The following SEMA3A variants were observed in gnomAD, a reference collection of about 807,000 sequenced individuals.
SEMA3A encodes the protein semaphorin 3A, also known as semaphorin-3A.
A neutral mutation model predicts 97.9 loss-of-function variants in SEMA3A; 29 were observed. The ratio of observed to expected loss-of-function variants is 0.30; its 90% confidence interval spans 0.22 to 0.40. SEMA3A has a LOEUF of 0.40. Ranked by LOEUF, SEMA3A falls within the 10% of genes least tolerant of loss-of-function variation. The probability of loss-of-function intolerance (pLI) is 1.00; values close to 1 mark genes in which losing one functional copy is unlikely to be tolerated. For synonymous variants in SEMA3A, 321 were observed against 323.7 expected (o/e 0.99, Z 0.09); for missense variants, 763 against 951.3 (o/e 0.80, Z 2.60).
intron 1 of SEMA3A, among the ~76,000 whole-genome samples, chr7:84,489,766 A>G (rs906156829): frequency 5.3e-5 from 8 of 151,954 alleles, no homozygotes. Flanking sequence ...TACACTTTCT[A>G]TCTTGATGTC....
chr7:84,481,457 A>G (rs1467652210), intron 1 of SEMA3A, among the ~76,000 whole-genome samples: 2 of 152,232 alleles, frequency 1.3e-5, no homozygotes, highest in African/African-American at 2.4e-5. Flanking sequence ...TGATGTTGAA[A>G]TCCACTATCT....
At chr7:84,205,653 A>T (rs933870918) in intron 3 of SEMA3A, among the ~76,000 whole-genome samples, 4 of 152,304 alleles carry the variant, frequency 2.6e-5, no homozygotes, top group Admixed American at 1.3e-4. Context: ...ATAGAATTAC[A>T]ATTCCTATGC....
At chr7:84,140,006 G>A (rs1389529628) in intron 1 of SEMA3A, among the ~76,000 whole-genome samples, 1 of 151,914 alleles carries the variant, frequency 6.6e-6, no homozygotes, top group African/African-American at 2.4e-5. Flanking sequence ...AGAAGCATTT[G>A]AAGGGAGAAA....
chr7:84,267,119 T>G (rs920768856), intron 3 of SEMA3A, among the ~76,000 whole-genome samples: 17 of 152,118 alleles, frequency 1.1e-4, no homozygotes, highest in African/African-American at 3.9e-4. Flanking sequence ...ATTCAAAACT[T>G]AAGTGACAAA....
chr7:84,147,688 T>C (rs1375087231), intron 1 of SEMA3A, among the ~76,000 whole-genome samples: 1 of 152,158 alleles, frequency 6.6e-6, no homozygotes, highest in East Asian at 1.9e-4. Flanking sequence ...TACTGAATAG[T>C]TGGATAAAGT....
chr7:83,974,302 G>A (rs997211099), intron 15 of SEMA3A, among the ~76,000 whole-genome samples: 2 of 152,164 alleles, frequency 1.3e-5, no homozygotes, highest in African/African-American at 4.8e-5. Flanking sequence ...TAAGGGAGCA[G>A]AGTGCCAAGT....
intron 1 of SEMA3A, among the ~76,000 whole-genome samples, chr7:84,391,573 A>G (rs536522086): frequency 1.3e-5 from 2 of 152,168 alleles, no homozygotes; most frequent in African/African-American, 2.4e-5. Context: ...CTTCACTTCC[A>G]GGACAGGATT....
chr7:84,348,051 G>T (rs1337103507), intron 2 of SEMA3A, among the ~76,000 whole-genome samples: 1 of 152,034 alleles, frequency 6.6e-6, no homozygotes, highest in East Asian at 1.9e-4. Context: ...GGGGGCCAGG[G>T]AATGTATGGG....
At chr7:84,361,336 G>T (rs544965270) in intron 2 of SEMA3A, among the ~76,000 whole-genome samples, 43 of 152,054 alleles carry the variant, frequency 2.8e-4, no homozygotes, top group African/African-American at 9.4e-4. Flanking sequence ...TGGAAGAAAT[G>T]ATGCAAAATA....
At position 83,977,140 on chromosome 7, in the gene SEMA3A, A is replaced by G. The variant is rs1434985167; in HGVS notation, c.1709T>C (p.Leu570Ser). The change falls in exon 15 of 17, where the codon TTA becomes TCA. Residue 570 changes from leucine to serine, a missense_variant. Leu to Ser is a moderately radical substitution (Grantham distance 145). Around this residue, in one of 2 missense-constraint regions of SEMA3A, gnomAD observed 678 missense variants for 881.3 expected, o/e 0.77. Transcript: ENST00000265362. ...NGDPLTHCSD[L>S]HHDNHHGHSP... ...TGAAAAATGTGACTTACCATGGTGTAAGTCTGAACAGTGAGTCAGTGGGTC... is the reference window on the plus strand; with the variant it reads ...TGAAAAATGTGACTTACCATGGTGTGAGTCTGAACAGTGAGTCAGTGGGTC... 6.4e-7 allele frequency: 1 copy of G among 1,563,908 alleles called. No homozygotes were observed. Among genetic ancestry groups the G allele is most frequent in the South Asian group, 1.2e-5 (1 of 82,390 alleles).
At chr7:84,049,688 A>C (rs1792516287) in intron 5 of SEMA3A, among the ~76,000 whole-genome samples, 2 of 151,486 alleles carry the variant, frequency 1.3e-5, no homozygotes. Context: ...TTATCAAATT[A>C]TATGTTGATT....
chr7:84,449,179 A>G (rs1329032677), intron 1 of SEMA3A, among the ~76,000 whole-genome samples: 1 of 152,228 alleles, frequency 6.6e-6, no homozygotes, highest in Non-Finnish European at 1.5e-5. Context: ...ACCTAAAACT[A>G]TAAAATACTT....
At chr7:84,002,150 C>T (rs1435893311) in intron 11 of SEMA3A, 104 bp from the exon 12 acceptor site, 19 of 614,228 alleles carry the variant, frequency 3.1e-5, no homozygotes, top group South Asian at 5.1e-5. Context: ...CCTTTGATAT[C>T]GGTCTTCCTT....
chr7:84,150,683 A>G (rs1211783579), intron 1 of SEMA3A, among the ~76,000 whole-genome samples: 1 of 152,150 alleles, frequency 6.6e-6, no homozygotes, highest in Non-Finnish European at 1.5e-5. Context: ...GCCATTGCCC[A>G]GGCTTGATTA....
At chr7:84,313,352 G>GTATATAATACATATATATA (rs780926959) in intron 2 of SEMA3A, among the ~76,000 whole-genome samples, 2 of 83,418 alleles carry the variant, frequency 2.4e-5, no homozygotes, top group Admixed American at 1.5e-4. Context: ...GTATATGTGT[G>GTATATAATACATATATATA]TGTGTATATA....
intron 3 of SEMA3A, among the ~76,000 whole-genome samples, chr7:84,280,565 C>T (rs1347396420): frequency 1.4e-4 from 21 of 152,014 alleles, no homozygotes; most frequent in Admixed American, 1.4e-3. Flanking sequence ...GGGCATGTCA[C>T]CTAAGTTCAG....
chr7:84,210,899 C>A (rs1798609286), intron 3 of SEMA3A, among the ~76,000 whole-genome samples: 1 of 151,882 alleles, frequency 6.6e-6, no homozygotes, highest in African/African-American at 2.4e-5. Flanking sequence ...TATCTGCAGG[C>A]TTAAGCATTG....
At chr7:84,432,318 T>G (rs1022059726) in intron 1 of SEMA3A, among the ~76,000 whole-genome samples, 1 of 152,316 alleles carries the variant, frequency 6.6e-6, no homozygotes, top group Non-Finnish European at 1.5e-5. Context: ...TCATTTAGTT[T>G]TTTTTCTGCT....
In SEMA3A at chr7:84,085,892, G is replaced by A. The variant is rs115256673; in HGVS notation, c.453+24578C>T. Among the ~76,000 whole-genome samples the A allele has an allele frequency of 2.8e-3, 428 of 152,208 alleles. 1 individual carries two copies. Among genetic ancestry groups the A allele is most frequent in the African/African-American group, 9.7e-3 (403 of 41,550 alleles). ...TGACATACCCTCTTTTCTGGAAGAC[G>A]GATGTACAACTGAACCTTAAATATA... On this transcript the variant is annotated intron_variant, in intron 4 of 16. Transcript: ENST00000265362.
Sources: allele counts gnomAD v4.1 joint callset (sites outside exome capture counted in the v4.1 genomes callset), GRCh38; gene constraint gnomAD v4.1.1; regional missense constraint gnomAD v4.1.1; transcripts MANE v1.5; gene names NCBI Gene and HGNC (gene_info 2026-07-23, HGNC 2026-07-21).